Variants in SORCS3 observed in about 807,000 individuals in gnomAD.
The protein encoded by SORCS3 is VPS10 domain-containing receptor SorCS3.
In SORCS3, 57 loss-of-function variants were observed where a neutral mutation model predicts 146.3. The observed-to-expected ratio is 0.39, with a 90% CI of 0.31 to 0.49. The LOEUF is 0.49. SORCS3 is among the 20% of genes least tolerant of loss of function. The pLI is 0.92. For synonymous variants in SORCS3, 653 were observed against 618.5 expected (o/e 1.06, Z -0.83); for missense variants, 1,341 against 1,575.5 (o/e 0.85, Z 2.52).
chr10:105,100,015 T>A (rs2133749208), intron 6 of SORCS3, among the ~76,000 whole-genome samples: 1 of 152,296 alleles, frequency 6.6e-6, no homozygotes, highest in African/African-American at 2.4e-5. Context: ...AAGGCAGCCC[T>A]TCTCACCATA....
chr10:104,920,542 G>T (rs895992982), intron 3 of SORCS3, among the ~76,000 whole-genome samples: 2 of 152,154 alleles, frequency 1.3e-5, no homozygotes, highest in Non-Finnish European at 2.9e-5. Flanking sequence ...CACTTTGAAA[G>T]TAGGCAGGGT....
intron 7 of SORCS3, among the ~76,000 whole-genome samples, chr10:105,129,744 C>G (rs2056004477): frequency 6.6e-6 from 1 of 151,724 alleles, no homozygotes; most frequent in Non-Finnish European, 1.5e-5. Flanking sequence ...GGTGAGCATC[C>G]TAAGAACTTC....
chr10:105,239,245 T>A (rs2056809877), intron 20 of SORCS3, among the ~76,000 whole-genome samples: 1 of 152,220 alleles, frequency 6.6e-6, no homozygotes, highest in Non-Finnish European at 1.5e-5. Context: ...TTGTACCTCA[T>A]ATGATGAGCA....
At chr10:104,999,250 A>G (rs2055046269) in intron 4 of SORCS3, among the ~76,000 whole-genome samples, 1 of 152,040 alleles carries the variant, frequency 6.6e-6, no homozygotes, top group Non-Finnish European at 1.5e-5. Context: ...CTTTTTCTTA[A>G]CTGGTTCATA....
Position 104,716,262 on chromosome 10 carries a change from GT to G in SORCS3, c.627+74312del, listed in dbSNP as rs562564212. On this transcript the variant is annotated intron_variant, in intron 1 of 26. Transcript: ENST00000369701. Reference sequence around the variant, plus strand: ...TAAGATACACGAGGACAAGGTTTTTGTTTTGGTACTGCTGCATTTCTGGAGT... The same window carrying G: ...TAAGATACACGAGGACAAGGTTTTTGTTTGGTACTGCTGCATTTCTGGAGT... 1.4e-3 allele frequency among the ~76,000 whole-genome samples: 207 copies of G among 152,180 alleles called. No homozygotes were observed. In the Middle Eastern group the frequency reaches 0.024, roughly 18 times the overall value.
At chr10:105,214,340 T>G in intron 17 of SORCS3, 102 bp from the exon 18 acceptor site, 3 of 1,324,990 alleles carry the variant, frequency 2.3e-6, no homozygotes, top group Non-Finnish European at 3.2e-6. Flanking sequence ...CCTGTTTTGC[T>G]CTTGCTCTCT....
intron 2 of SORCS3, among the ~76,000 whole-genome samples, chr10:104,882,030 C>T (rs1210102387): frequency 2.6e-5 from 4 of 152,186 alleles, no homozygotes; most frequent in Admixed American, 2.6e-4. Flanking sequence ...AGGTGATGAG[C>T]TGCTCAGTGG....
intron 2 of SORCS3, among the ~76,000 whole-genome samples, chr10:104,846,243 T>G (rs1399956972): frequency 6.6e-6 from 1 of 152,126 alleles, no homozygotes; most frequent in Non-Finnish European, 1.5e-5. Flanking sequence ...ATCGGGAGTC[T>G]TCTAACTTTT....
At chr10:104,992,442 C>T (rs569087336) in intron 4 of SORCS3, among the ~76,000 whole-genome samples, 2 of 152,180 alleles carry the variant, frequency 1.3e-5, no homozygotes, top group Admixed American at 6.5e-5. Flanking sequence ...TTTTGTTCTC[C>T]CTTTGTATTT....
intron 20 of SORCS3, among the ~76,000 whole-genome samples, chr10:105,235,763 A>G (rs1197642581): frequency 2.6e-5 from 4 of 152,006 alleles, no homozygotes; most frequent in Non-Finnish European, 5.9e-5. Context: ...TTAGGGTTTC[A>G]TGGGTTAAGT....
intron 20 of SORCS3, among the ~76,000 whole-genome samples, chr10:105,228,978 C>T (rs1024276338): frequency 1.8e-4 from 28 of 152,050 alleles, no homozygotes; most frequent in South Asian, 6.2e-4. Flanking sequence ...TCTGGCATAC[C>T]GGCAATTTGA....
chr10:104,981,195 C>A (rs547891711), intron 4 of SORCS3, among the ~76,000 whole-genome samples: 2 of 152,320 alleles, frequency 1.3e-5, no homozygotes, highest in South Asian at 4.1e-4. Context: ...AGCTTCCCCA[C>A]TCCTTCTACC....
chr10:104,762,867 C>T (rs948668995), intron 1 of SORCS3, among the ~76,000 whole-genome samples: 2 of 152,166 alleles, frequency 1.3e-5, no homozygotes, highest in African/African-American at 4.8e-5. Flanking sequence ...TGCCCAGTCT[C>T]AGGTAGTATC....
At chr10:104,661,011 A>G (rs1241502691) in intron 1 of SORCS3, among the ~76,000 whole-genome samples, 2 of 152,178 alleles carry the variant, frequency 1.3e-5, no homozygotes, top group Non-Finnish European at 2.9e-5. Flanking sequence ...TTATTTATTT[A>G]TTTAAAATAC....
At chr10:104,697,748 C>A (rs926066947) in intron 1 of SORCS3, among the ~76,000 whole-genome samples, 1 of 152,032 alleles carries the variant, frequency 6.6e-6, no homozygotes, top group African/African-American at 2.4e-5. Flanking sequence ...AACAGTTGGC[C>A]GGTGCTGAGC....
chr10:104,921,438 T>A (rs2019085396), intron 3 of SORCS3, among the ~76,000 whole-genome samples: 1 of 152,018 alleles, frequency 6.6e-6, no homozygotes, highest in Admixed American at 6.6e-5. Context: ...CACACACTGG[T>A]CTAACAGCCA....
chr10:104,887,971 G>GGCGTGC (rs1554857311), intron 2 of SORCS3, among the ~76,000 whole-genome samples: 1 of 83,034 alleles, frequency 1.2e-5, no homozygotes, highest in Non-Finnish European at 2.5e-5. Context: ...GGGGGGCGGG[G>GGCGTGC]GCGGAGCAAG....
At chr10:104,932,587 A>T (rs1401672821) in intron 3 of SORCS3, among the ~76,000 whole-genome samples, 1 of 152,206 alleles carries the variant, frequency 6.6e-6, no homozygotes, top group African/African-American at 2.4e-5. Context: ...TCTGGTGTTC[A>T]TGTGGTTCTG....
intron 4 of SORCS3, among the ~76,000 whole-genome samples, chr10:104,997,693 T>A (rs2055035609): frequency 6.6e-6 from 1 of 152,182 alleles, no homozygotes; most frequent in Non-Finnish European, 1.5e-5. Flanking sequence ...CACTTACAGA[T>A]CTCCTCTTCT....
Sources: gnomAD v4.1 joint callset for allele counts (sites outside exome capture counted in the v4.1 genomes callset) on GRCh38, gnomAD v4.1.1 for gene constraint, MANE v1.5 for transcripts, NCBI Gene and HGNC (gene_info 2026-07-23, HGNC 2026-07-21) for gene names.